The following TRMT11 variants were observed in gnomAD, a reference collection of about 807,000 sequenced individuals.
TRMT11 encodes tRNA methyltransferase 11.
A neutral mutation model predicts 62.8 loss-of-function variants in TRMT11; 53 were observed. The ratio of observed to expected loss-of-function variants is 0.84; its 90% CI spans 0.68 to 1.06. The LOEUF is 1.06. Among genes scored for constraint, TRMT11 ranks in the 50% least tolerant of loss-of-function variants. The pLI is 0.00. For missense variants in TRMT11, 556 were observed against 553.4 expected, an observed-to-expected ratio of 1.00 and a Z score of -0.05; for synonymous variants, 188 against 190.3, an observed-to-expected ratio of 0.99 and a Z score of 0.10.
chr6:126,221,776 T>G, the TRMT11 span, among the ~76,000 whole-genome samples: 1 of 152,198 alleles, frequency 6.6e-6, no homozygotes, highest in Non-Finnish European at 1.5e-5. Context: ...TAGTTTCTGT[T>G]AGTTTCTTTT....
intron 11 of TRMT11, among the ~76,000 whole-genome samples, chr6:126,019,209 C>A (rs989059693): frequency 6.6e-6 from 1 of 152,068 alleles, no homozygotes; most frequent in African/African-American, 2.4e-5. Flanking sequence ...ATTTTTTAAT[C>A]TTTTTAGTAT....
At chr6:126,152,745 G>A (rs1778073348) in intron 21 of TRMT11, among the ~76,000 whole-genome samples, 1 of 152,182 alleles carries the variant, frequency 6.6e-6, no homozygotes, top group African/African-American at 2.4e-5. Context: ...CTTTAGGTTA[G>A]TTGTATTACT....
intron 21 of TRMT11, among the ~76,000 whole-genome samples, chr6:126,150,932 T>C (rs1194466699): frequency 1.3e-5 from 2 of 152,144 alleles, no homozygotes; most frequent in Admixed American, 6.5e-5. Context: ...CCATTTTTTT[T>C]CCCCTTGTGT....
chr6:126,265,111 C>G, the TRMT11 span, among the ~76,000 whole-genome samples: 1 of 152,084 alleles, frequency 6.6e-6, no homozygotes. Context: ...TGTTCATATA[C>G]ACACATGCAC....
At chr6:126,152,819 G>A (rs1778074469) in intron 21 of TRMT11, among the ~76,000 whole-genome samples, 1 of 152,122 alleles carries the variant, frequency 6.6e-6, no homozygotes, top group Non-Finnish European at 1.5e-5. Flanking sequence ...TTGATTCACT[G>A]TGCTTGCTGT....
chr6:126,225,752 G>A, the TRMT11 span, among the ~76,000 whole-genome samples: 50 of 143,870 alleles, frequency 3.5e-4, no homozygotes, highest in Non-Finnish European at 6.1e-4. Context: ...GTGCAATGGC[G>A]CGATCTCGGC....
intron 1 of TRMT11, among the ~76,000 whole-genome samples, chr6:126,183,520 C>A (rs546587284): frequency 6.6e-6 from 1 of 152,214 alleles, no homozygotes; most frequent in East Asian, 1.9e-4. Context: ...TTCAGATAGC[C>A]TCACTAATTA....
At chr6:126,090,678 C>T (rs776853350) in intron 17 of TRMT11, among the ~76,000 whole-genome samples, 6 of 152,148 alleles carry the variant, frequency 3.9e-5, no homozygotes, top group Non-Finnish European at 7.3e-5. Context: ...TACACCAAGA[C>T]ATCCTTAGAA....
intron 1 of TRMT11, among the ~76,000 whole-genome samples, chr6:126,192,607 G>T (rs1373335800): frequency 6.6e-6 from 1 of 152,028 alleles, no homozygotes; most frequent in African/African-American, 2.4e-5. Context: ...TTGGGTTGAG[G>T]TATGCTCCTT....
intron 1 of TRMT11, among the ~76,000 whole-genome samples, chr6:126,190,341 C>G (rs551382786): frequency 1.3e-5 from 2 of 152,032 alleles, no homozygotes; most frequent in Non-Finnish European, 2.9e-5. Context: ...ATGCTGTTCT[C>G]GAGATAGGGA....
intron 12 of TRMT11, among the ~76,000 whole-genome samples, chr6:126,035,574 A>G (rs534313642): frequency 4.3e-4 from 66 of 152,210 alleles, no homozygotes; most frequent in Admixed American, 1.3e-3. Context: ...AAGGTTAATG[A>G]TCTTTCCCAC....
chr6:126,093,631 A>ATATTTTTTTT (rs1554236842), intron 17 of TRMT11, among the ~76,000 whole-genome samples: 3 of 98,014 alleles, frequency 3.1e-5, no homozygotes, highest in African/African-American at 8.7e-5. Flanking sequence ...ATATATATAT[A>ATATTTTTTTT]TTTTCCCCCA....
chr6:126,166,597 C>T (rs147227327), intron 21 of TRMT11, among the ~76,000 whole-genome samples: 1 of 152,196 alleles, frequency 6.6e-6, no homozygotes, highest in South Asian at 2.1e-4. Context: ...GTCAAGGACC[C>T]ACTTGAGGAG....
chr6:126,241,873 C>CA, the TRMT11 span, among the ~76,000 whole-genome samples: 3 of 152,172 alleles, frequency 2.0e-5, no homozygotes, highest in African/African-American at 7.2e-5. Context: ...AAAACTGGCA[C>CA]AAGACAGGGA....
chr6:126,230,847 A>G, the TRMT11 span, among the ~76,000 whole-genome samples: 12 of 152,190 alleles, frequency 7.9e-5, no homozygotes, highest in Non-Finnish European at 1.6e-4. Flanking sequence ...GCTATATTGT[A>G]TATGTCTACG....
chr6:126,199,791 A>G (rs1327952292), exon 3 of TRMT11: 1 of 152,236 alleles, frequency 6.6e-6, no homozygotes, highest in Non-Finnish European at 1.5e-5. Flanking sequence ...ATGTGGTTAA[A>G]GAAGGCAGAT....
intron 17 of TRMT11, among the ~76,000 whole-genome samples, chr6:126,083,753 C>T (rs1562319476): frequency 1.3e-5 from 2 of 152,124 alleles, no homozygotes; most frequent in East Asian, 1.9e-4. Flanking sequence ...ACTCTGTATC[C>T]TCTGAATTAC....
chr6:125,996,029 A>T lies in TRMT11; in HGVS notation c.201A>T (p.Thr67=). The T allele has an allele frequency of 6.2e-7, 1 of 1,609,064 alleles. No homozygotes were observed. Among genetic ancestry groups the T allele is most frequent in the Non-Finnish European group, 8.5e-7 (1 of 1,175,422 alleles). The change falls in exon 3 of 13, where the codon ACA becomes ACT. Residue 67 remains threonine, a synonymous_variant. Transcript: ENST00000334379. ...TTGCAAGAAATTTGATGAAACGGACAGTGTGTGCCAAGTAAGAGAAACTTA... is the reference window on the plus strand; with the variant it reads ...TTGCAAGAAATTTGATGAAACGGACTGTGTGTGCCAAGTAAGAGAAACTTA... ...EDIARNLMKR[T]VCAKSIFELW... is the part of the protein sequence containing the mutation.
At chr6:126,118,691 T>A (rs1777616292) in intron 21 of TRMT11, among the ~76,000 whole-genome samples, 1 of 152,146 alleles carries the variant, frequency 6.6e-6, no homozygotes, top group African/African-American at 2.4e-5. Context: ...CTGACATTGT[T>A]TCTTATTTTC....
Sources: gnomAD v4.1 joint callset for allele counts (sites outside exome capture counted in the v4.1 genomes callset) on GRCh38, gnomAD v4.1.1 for gene constraint, MANE v1.5 for transcripts, NCBI Gene and HGNC (gene_info 2026-07-23, HGNC 2026-07-21) for gene names.